ETV3L: variants seen among roughly 807,000 people sequenced by gnomAD.
ETV3L encodes ETS translocation variant 3-like protein.
Under a neutral mutation model 27.6 loss-of-function variants are expected in ETV3L, and 30 were observed. That is an observed-to-expected ratio of 1.09 (90% CI 0.81 to 1.48). The LOEUF is 1.48. ETV3L is among the 40% of genes most tolerant of loss of function. The pLI is 0.00. For synonymous variants in ETV3L, 186 were observed against 188.9 expected (o/e 0.98, Z 0.12); for missense variants, 443 against 455.6 (o/e 0.97, Z 0.25).
Position 157,099,658 on chromosome 1 carries a change from A to G in ETV3L, c.-135T>C. ...ATGGAGGGAAAGAAGGAAGGAAGGG[A>G]GAGGGTCAGGAAAGAAAGAGAGAAA... On this transcript the variant is annotated 5_prime_UTR_variant, in exon 1 of 5. Coordinates refer to ENST00000454449, the MANE Select transcript of ETV3L (RefSeq NM_001004341.2). The G allele has an allele frequency of 1.4e-6, 1 of 739,668 alleles. No individual in the cohort carries two copies. Among genetic ancestry groups the G allele is most frequent in the Non-Finnish European group, 2.3e-6 (1 of 439,470 alleles). The allele number at this position is 739,668 out of a possible 1,614,324, so 45.8% of individuals were successfully genotyped here.
intron 4 of ETV3L, among the ~76,000 whole-genome samples, chr1:157,097,540 T>G (rs2103183810): frequency 6.6e-6 from 1 of 151,740 alleles, no homozygotes. Context: ...CCCACCTCCT[T>G]CACCTGCCCC....
intron 4 of ETV3L, among the ~76,000 whole-genome samples, chr1:157,095,546 TC>T (rs1467916949): frequency 9.0e-5 from 13 of 144,472 alleles, no homozygotes; most frequent in African/African-American, 1.5e-4. Context: ...TTTCTTTCTT[TC>T]TTTCTTTTTT....
At position 157,094,837 on chromosome 1, in the gene ETV3L, C is replaced by T. The variant is rs560597048; in HGVS notation, c.608-1710G>A. Among the ~76,000 whole-genome samples the T allele has an allele frequency of 1.6e-4, 22 of 134,810 alleles. No homozygotes were observed. In the East Asian group the frequency reaches 2.4e-3, roughly 15 times the overall value. The allele number at this position is 134,810 out of a possible 152,430, so 88.4% of individuals were successfully genotyped here. A position where few individuals can be genotyped will look rare whatever the true frequency, so the allele number is the denominator to read the frequency against. The stretch of plus-strand genomic sequence containing the variant: ...CTGAGACAGGAGAACTGCTTGAACC[C>T]GGGAGGCGGAGGTTGCAGTGAGCCA... On this transcript the variant is annotated intron_variant, in intron 4 of 4. Coordinates refer to ENST00000454449, the MANE Select transcript of ETV3L (RefSeq NM_001004341.2).
intron 4 of ETV3L, among the ~76,000 whole-genome samples, chr1:157,093,438 C>T (rs1479015705): frequency 2.0e-5 from 3 of 151,966 alleles, no homozygotes. Context: ...TGAGTCTCGC[C>T]ATGTTGCCAG....
Position 157,092,719 on chromosome 1 carries a change from GT to G in ETV3L, c.1015del (p.Thr339LeufsTer25). Reference sequence around the variant, plus strand: ...GGGGGAAGTAAGGCTTTCCTCCCCAGTTTTGAGTCTGCGGGTCTCTGGGCAG... The same window carrying G: ...GGGGGAAGTAAGGCTTTCCTCCCCAGTTTGAGTCTGCGGGTCTCTGGGCAG... ...VFCPETRRLKTGEESLTSPNL... is the reference protein window; with the variant it reads ...VFCPETRRLKXGEESLTSPNL... On this transcript the variant is annotated frameshift_variant, in exon 5 of 5. Transcript: ENST00000454449. LOFTEE classifies it low-confidence loss of function (END_TRUNC). 6.2e-7 allele frequency: 1 copy of G among 1,614,144 alleles called. No homozygotes were observed. The highest frequency in any genetic ancestry group is 1.1e-5 in the South Asian group (1 of 91,086).
intron 4 of ETV3L, among the ~76,000 whole-genome samples, chr1:157,093,666 A>AT (rs908956749): frequency 2.6e-5 from 4 of 151,322 alleles, no homozygotes; most frequent in African/African-American, 7.3e-5. Flanking sequence ...TAATTTTTGT[A>AT]TTTTTTTGTA....
chr1:157,099,117 G>A (rs1480979198), intron 2 of ETV3L, 24 bp downstream of exon 2: 2 of 1,612,364 alleles, frequency 1.2e-6, no homozygotes, highest in Admixed American at 1.7e-5. Flanking sequence ...CCCCTCTTTG[G>A]CCATGTCAGC....
rs1449428884 is a variant in ETV3L at position 157,099,675 on chromosome 1, A to C, written c.-152T>G. The C allele has an allele frequency of 1.4e-6, 1 of 706,350 alleles. No homozygotes were observed. The highest frequency in any genetic ancestry group is 2.5e-5 in the Admixed American group (1 of 39,888). The allele number at this position is 706,350 out of a possible 1,614,324, so 43.8% of individuals were successfully genotyped here. On this transcript the variant is annotated 5_prime_UTR_variant, in exon 1 of 5. Transcript: ENST00000454449. The stretch of plus-strand genomic sequence containing the variant: ...AGGAAGGGAGAGGGTCAGGAAAGAA[A>C]GAGAGAAAAGGGAAGGGACAAGAGG...
In ETV3L at chr1:157,099,327, C is replaced by T. The variant is rs760882467; in HGVS notation, c.110G>A (p.Arg37Gln). ...GATGAAGTGCCACAGCTGGATCTGCCGGGAGCCTGGGGACGACTCGGCTTT... is the reference window on the plus strand; with the variant it reads ...GATGAAGTGCCACAGCTGGATCTGCTGGGAGCCTGGGGACGACTCGGCTTT... ...AYKAESSPGS[R>Q]QIQLWHFILE... Residue 37 changes from arginine (R) to glutamine (Q), a missense_variant, in exon 2 of 5, where the codon CGG becomes CAG. Transcript: ENST00000454449. 2.9e-5 allele frequency: 47 copies of T among 1,614,052 alleles called. No individual in the cohort carries two copies. The highest frequency in any genetic ancestry group is 6.6e-5 in the South Asian group (6 of 91,086).
chr1:157,098,960 T>C, intron 2 of ETV3L, 65 bp from the exon 3 acceptor site: 1 of 1,525,162 alleles, frequency 6.6e-7, no homozygotes, highest in South Asian at 1.2e-5. Context: ...AGGGACCCAG[T>C]CACATTCTCC....
At position 157,099,358 on chromosome 1, in the gene ETV3L, C is replaced by T. The variant is rs1359479306; in HGVS notation, c.79G>A (p.Ala27Thr). 3.1e-6 allele frequency: 5 copies of T among 1,614,028 alleles called. No homozygotes were observed. Among genetic ancestry groups the T allele is most frequent in the Admixed American group, 1.7e-5 (1 of 60,004 alleles). ...CCTGGGGACGACTCGGCTTTGTAGG[C>T]CCAATCAGGGAAGGCCAACCCTGGG... ...WISGLAFPDW[A>T]YKAESSPGSR... Residue 27 changes from alanine (A) to threonine (T), a missense_variant, in exon 2 of 5, where the codon GCC becomes ACC. Physicochemically the swap from Ala to Thr is moderately conservative, Grantham distance 58. Coordinates refer to ENST00000454449, the MANE Select transcript of ETV3L (RefSeq NM_001004341.2).
At chr1:157,097,470 CAAAAAA>C (rs150226645) in intron 4 of ETV3L, among the ~76,000 whole-genome samples, 2 of 102,898 alleles carry the variant, frequency 1.9e-5, no homozygotes, top group East Asian at 3.0e-4. Context: ...GACTCCGTCT[CAAAAAA>C]AAAAAAAAAA....
At chr1:157,096,294 C>T (rs201611507) in intron 4 of ETV3L, among the ~76,000 whole-genome samples, 31 of 152,178 alleles carry the variant, frequency 2.0e-4, no homozygotes, top group Non-Finnish European at 2.8e-4. Flanking sequence ...AATCACTTAT[C>T]GATCATTAGT....
chr1:157,098,386 A>G (rs1014993008), intron 3 of ETV3L, among the ~76,000 whole-genome samples: 1 of 151,870 alleles, frequency 6.6e-6, no homozygotes, highest in African/African-American at 2.4e-5. Flanking sequence ...GTGAGCCACC[A>G]CGCCTGGCCT....
intron 4 of ETV3L, among the ~76,000 whole-genome samples, chr1:157,096,183 G>T (rs757444470): frequency 1.3e-5 from 2 of 152,068 alleles, no homozygotes; most frequent in Non-Finnish European, 2.9e-5. Context: ...TGACACTCAC[G>T]TATACTTTGG....
At chr1:157,094,934 A>AAC (rs1674192227) in intron 4 of ETV3L, among the ~76,000 whole-genome samples, 1 of 150,650 alleles carries the variant, frequency 6.6e-6, no homozygotes, top group Admixed American at 6.6e-5. Flanking sequence ...AAAAAAAAAA[A>AAC]CCTGGAAAAA....
intron 4 of ETV3L, among the ~76,000 whole-genome samples, chr1:157,097,301 C>T (rs982338568): frequency 5.3e-5 from 8 of 151,546 alleles, no homozygotes; most frequent in Non-Finnish European, 1.0e-4. Flanking sequence ...GGTGAAACCC[C>T]GTCTTTACTA....
chr1:157,093,245 G>C, intron 4 of ETV3L, 118 bp from the exon 5 acceptor site: 1 of 628,244 alleles, frequency 1.6e-6, no homozygotes, highest in Non-Finnish European at 2.5e-6. Context: ...TCGCCCCACT[G>C]CCCTTCCTTT....
rs376150246 is a variant in ETV3L at position 157,093,093 on chromosome 1, G to A, written c.642C>T (p.Gly214=). Residue 214 remains glycine, a synonymous_variant, in exon 5 of 5, where the codon GGC becomes GGT. Transcript: ENST00000454449. ...GGACGCTCCCCAAATGGCAGCAAAG[G>A]CCCAGCCGGCAGGGGCCTGGGGCAG... is the stretch of plus-strand genomic sequence containing the variant. ...LGSAPGPCRL[G]LCCHLGSVQG... 1.2e-4 allele frequency: 170 copies of A among 1,472,566 alleles called. 1 individual carries two copies. Among genetic ancestry groups the A allele is most frequent in the Non-Finnish European group, 1.4e-4 (161 of 1,111,354 alleles). The allele number at this position is 1,472,566 out of a possible 1,614,324, so 91.2% of individuals were successfully genotyped here.
Sources: allele counts gnomAD v4.1 joint callset (sites outside exome capture counted in the v4.1 genomes callset), GRCh38; gene constraint gnomAD v4.1.1; transcripts MANE v1.5; gene names NCBI Gene and HGNC (gene_info 2026-07-23, HGNC 2026-07-21).